The following CLU variants were observed in gnomAD, a reference collection of about 807,000 sequenced individuals.
CLU encodes the protein clusterin, also known as aging-associated protein 4.
CLU carries 25 observed loss-of-function variants against 46.4 expected under a neutral mutation model. The ratio of observed to expected loss-of-function variants is 0.54; its 90% CI spans 0.39 to 0.75. The LOEUF (loss-of-function observed/expected upper bound fraction) is 0.75, where lower values mean the gene tolerates loss of function less well. CLU is among the 30% of genes least tolerant of loss of function. The pLI is 0.00. For missense variants in CLU, 504 were observed against 592.1 expected (o/e 0.85, Z 1.54); for synonymous variants, 235 against 235.1 (o/e 1.00, Z 0.00).
intron 1 of CLU, 182 bp downstream of exon 1, chr8:27,614,473 G>A (rs1289397403): frequency 1.8e-5 from 6 of 331,802 alleles, no homozygotes; most frequent in Admixed American, 4.1e-5. Flanking sequence ...GGGGCCCCTG[G>A]CTCAGCTGCC....
chr8:27,602,303 C>T (rs1206453907), intron 6 of CLU, among the ~76,000 whole-genome samples: 1 of 151,510 alleles, frequency 6.6e-6, no homozygotes, highest in Admixed American at 6.6e-5. Flanking sequence ...CCCCCAACGA[C>T]AAAGAATGAC....
chr8:27,597,965 A>T lies in CLU; in HGVS notation c.*276T>A. The T allele has an allele frequency of 1.5e-6, 1 of 654,644 alleles. No homozygotes were observed. The highest frequency in any genetic ancestry group is 2.8e-6 in the Non-Finnish European group (1 of 357,252). 40.6% of individuals were successfully genotyped at this position (654,644 alleles called of 1,614,324 possible). ...AATGAAGGCATGCCGGGAAGCAGCA[A>T]CTCAACATAAAAAGAGGACCCTCCA... On this transcript the variant is annotated 3_prime_UTR_variant, in exon 9 of 9. Coordinates refer to ENST00000316403, the MANE Select transcript of CLU (RefSeq NM_001831.4).
chr8:27,604,073 G>A (rs537101291), intron 6 of CLU: 49 of 578,684 alleles, frequency 8.5e-5, no homozygotes, highest in Admixed American at 2.2e-4. Flanking sequence ...ACATCTCACC[G>A]ACTTCAGGGA....
At position 27,610,459 on chromosome 8, in the gene CLU, T is replaced by C; in HGVS notation, c.97+16A>G. The C allele has an allele frequency of 1.2e-6, 2 of 1,604,630 alleles. No homozygotes were observed. Among genetic ancestry groups the C allele is most frequent in the Non-Finnish European group, 1.7e-6 (2 of 1,171,434 alleles). ...TCACCCTGTGGCCAGAGGAACATCA[T>C]GCTTGGTCTACTCACCCTGGAGCTC... On this transcript the variant is annotated intron_variant, in intron 2 of 8. Transcript: ENST00000316403.
At chr8:27,607,918 TAAG>T (rs1800851024) in intron 3 of CLU, among the ~76,000 whole-genome samples, 1 of 152,180 alleles carries the variant, frequency 6.6e-6, no homozygotes, top group Admixed American at 6.5e-5. Flanking sequence ...ACTCCTCAAC[TAAG>T]AAGTAGCAGG....
chr8:27,609,025 C>T lies in CLU; in HGVS notation c.159G>A (p.Val53=). ...NKEIQNAVNG[V]KQIKTLIEKT... ...TTTCTATGAGAGTCTTTATCTGTTT[C>T]ACCCCGTTGACAGCATTTTGAATTT... is the stretch of plus-strand genomic sequence containing the variant. Residue 53 remains valine (V), a synonymous_variant, in exon 3 of 9, where the codon GTG becomes GTA. Coordinates refer to ENST00000316403, the MANE Select transcript of CLU (RefSeq NM_001831.4). 6.2e-7 allele frequency: 1 copy of T among 1,614,168 alleles called. No individual in the cohort carries two copies. The highest frequency in any genetic ancestry group is 2.2e-5 in the East Asian group (1 of 44,886).
intron 5 of CLU, 62 bp downstream of exon 5, chr8:27,604,862 C>T (rs1000031306): frequency 3.8e-6 from 6 of 1,570,294 alleles, no homozygotes; most frequent in Middle Eastern, 1.8e-4. Context: ...GCTGAGCCCT[C>T]GGCATGGTTC....
In CLU at chr8:27,609,170, G is replaced by T. The variant is rs1346825833; in HGVS notation, c.98-84C>A. The T allele has an allele frequency of 3.4e-6, 5 of 1,481,010 alleles. No homozygotes were observed. In the Admixed American group the frequency reaches 8.4e-5, roughly 25 times the overall value. The allele number at this position is 1,481,010 out of a possible 1,614,324, so 91.7% of individuals were successfully genotyped here. ...TGGAATGAGCTGGATGGCCAGAAAG[G>T]CCCGTTCAGTTCAGGGGCTGTCAAG... On this transcript the variant is annotated intron_variant, in intron 2 of 8. Transcript: ENST00000316403.
intron 1 of CLU, chr8:27,613,879 AAAT>A (rs1800969746): frequency 6.6e-6 from 1 of 152,236 alleles, no homozygotes; most frequent in Non-Finnish European, 1.5e-5. Flanking sequence ...TCCGTTTAAA[AAAT>A]AATAATAAAA....
chr8:27,600,055 G>C (rs1437620127), intron 6 of CLU, 46 bp from the exon 7 acceptor site: 1 of 1,420,940 alleles, frequency 7.0e-7, no homozygotes. Context: ...TGAAGGGAAG[G>C]CTACAAAGGG....
chr8:27,601,306 T>A (rs1443672428), intron 6 of CLU, among the ~76,000 whole-genome samples: 9 of 152,186 alleles, frequency 5.9e-5, no homozygotes, highest in Admixed American at 5.9e-4. Context: ...CACCTCGGCC[T>A]CTCAAGGTGC....
rs755083329 is a variant in CLU, at chr8:27,611,323, G to A, written c.-29-723C>T. Reference sequence around the variant, plus strand: ...GAGAGGGTTCGCAGTGGCCCGAGGAGCAGGCTTCCCAGAGAAAGTCCCTTT... The same window carrying A: ...GAGAGGGTTCGCAGTGGCCCGAGGAACAGGCTTCCCAGAGAAAGTCCCTTT... On this transcript the variant is annotated intron_variant, in intron 1 of 8. Transcript: ENST00000316403. 22 of 455,600 alleles carry A rather than the reference G, an allele frequency of 4.8e-5. 1 individual carries two copies. Among genetic ancestry groups the A allele is most frequent in the South Asian group, 3.3e-4 (21 of 64,484 alleles). The allele number at this position is 455,600 out of a possible 1,614,324, so 28.2% of individuals were successfully genotyped here. A position where few individuals can be genotyped will look rare whatever the true frequency, so the allele number is the denominator to read the frequency against.
intron 2 of CLU, 22 bp downstream of exon 2, chr8:27,610,453 A>T: frequency 2.5e-6 from 4 of 1,590,834 alleles, no homozygotes; most frequent in Non-Finnish European, 3.5e-6. Flanking sequence ...GGCCAGAGGA[A>T]CATCATGCTT....
intron 1 of CLU, chr8:27,611,096 C>T (rs2128910430): frequency 4.8e-6 from 2 of 418,814 alleles, no homozygotes; most frequent in South Asian, 1.7e-5. Flanking sequence ...CCCCAGCAGA[C>T]GCTCCCCATT....
intron 1 of CLU, chr8:27,611,700 A>G (rs1800933827): frequency 2.2e-6 from 1 of 457,878 alleles, no homozygotes; most frequent in Admixed American, 2.3e-5. Context: ...CTGGACACTC[A>G]GTAGCACATT....
intron 3 of CLU, 109 bp downstream of exon 3, chr8:27,608,829 G>A: frequency 1.8e-6 from 2 of 1,141,540 alleles, no homozygotes; most frequent in Non-Finnish European, 2.6e-6. Flanking sequence ...ACACAGCCTG[G>A]GAGGACTGCG....
At chr8:27,607,786 G>A (rs1800848244) in intron 3 of CLU, among the ~76,000 whole-genome samples, 1 of 150,990 alleles carries the variant, frequency 6.6e-6, no homozygotes, top group African/African-American at 2.4e-5. Flanking sequence ...CCAGAGTTAG[G>A]TGAGGTCTTT....
chr8:27,612,084 G>A, intron 1 of CLU: 1 of 325,764 alleles, frequency 3.1e-6, no homozygotes. Flanking sequence ...AGACTCAGCA[G>A]CGGGCACAGA....
rs9331925 is a variant in CLU, at chr8:27,603,639, C to T, written c.934+652G>A. Among the ~76,000 whole-genome samples the T allele has an allele frequency of 3.5e-3, 534 of 152,320 alleles. 3 individuals carry two copies. The highest frequency in any genetic ancestry group is 0.012 in the African/African-American group (484 of 41,576). On this transcript the variant is annotated intron_variant, in intron 6 of 8. Transcript: ENST00000316403. Reference sequence around the variant, plus strand: ...TCCCTTTGCCTAGGGGACCAACCAACCGACCAAAGGGACTATTGCTTGGAT... The same window carrying T: ...TCCCTTTGCCTAGGGGACCAACCAATCGACCAAAGGGACTATTGCTTGGAT...
Sources: gnomAD v4.1 joint callset for allele counts (sites outside exome capture counted in the v4.1 genomes callset) on GRCh38, gnomAD v4.1.1 for gene constraint, MANE v1.5 for transcripts, NCBI Gene and HGNC (gene_info 2026-07-23, HGNC 2026-07-21) for gene names.